Variants in LNPK observed in about 807,000 individuals in gnomAD.
LNPK encodes lunapark, ER junction formation factor, also known as endoplasmic reticulum junction formation protein lunapark.
A neutral mutation model predicts 55.2 loss-of-function variants in LNPK; 29 were observed. The ratio of observed to expected loss-of-function variants is 0.53; its 90% CI spans 0.39 to 0.72. The LOEUF (loss-of-function observed/expected upper bound fraction) is 0.72. Among genes scored for constraint, LNPK ranks in the 30% least tolerant of loss-of-function variants. The pLI is 0.00. For synonymous variants in LNPK, 162 were observed against 168.2 expected, an observed-to-expected ratio of 0.96 and a Z score of 0.29; for missense variants, 467 against 494.8, an observed-to-expected ratio of 0.94 and a Z score of 0.53.
chr2:175,956,743 T>A (rs1685713930), intron 8 of LNPK, among the ~76,000 whole-genome samples: 1 of 152,186 alleles, frequency 6.6e-6, no homozygotes, highest in African/African-American at 2.4e-5. Context: ...CATGTCTTTA[T>A]TTCCCTCATA....
chr2:175,967,277 A>C lies in LNPK; in HGVS notation c.358-2688T>G, dbSNP rs1289575638. Among the ~76,000 whole-genome samples, 4 of 152,352 alleles carry C rather than the reference A, an allele frequency of 2.6e-5. 1 individual carries two copies. The South Asian group carries it at 8.3e-4, about 32-fold the overall frequency. On this transcript the variant is annotated intron_variant, in intron 6 of 12. Coordinates refer to ENST00000272748, the MANE Select transcript of LNPK (RefSeq NM_030650.3). Reference sequence around the variant, plus strand: ...CTTTTTTATTTTAAAAGATAGAATAATAAATACATGATTCTATTAAGAGTC... The same window carrying C: ...CTTTTTTATTTTAAAAGATAGAATACTAAATACATGATTCTATTAAGAGTC...
intron 2 of LNPK, among the ~76,000 whole-genome samples, chr2:175,995,085 C>A (rs1421643328): frequency 6.6e-6 from 1 of 151,826 alleles, no homozygotes; most frequent in African/African-American, 2.4e-5. Context: ...CTACGCCCAG[C>A]TAATTTTTGT....
At chr2:176,001,323 C>G (rs563140430) in intron 1 of LNPK, among the ~76,000 whole-genome samples, 93 of 152,196 alleles carry the variant, frequency 6.1e-4, no homozygotes, top group Middle Eastern at 3.4e-3. Flanking sequence ...AAGGAGGAAA[C>G]AGTAGACACC....
At chr2:175,979,957 TAG>T in intron 4 of LNPK, 89 bp from the exon 5 acceptor site, 3 of 1,193,844 alleles carry the variant, frequency 2.5e-6, no homozygotes, top group Non-Finnish European at 3.5e-6. Context: ...TATTTCCAAT[TAG>T]AGTTAGGTAC....
intron 1 of LNPK, among the ~76,000 whole-genome samples, chr2:175,995,895 C>T (rs1687910434): frequency 1.5e-5 from 2 of 129,098 alleles, no homozygotes; most frequent in African/African-American, 5.6e-5. Context: ...CTCACTGCAA[C>T]TTCTGCCTCC....
Position 175,993,179 on chromosome 2 carries a change from T to C in LNPK, c.69+3A>G. 3.9e-6 allele frequency: 6 copies of C among 1,532,764 alleles called. No individual in the cohort carries two copies. Among genetic ancestry groups the C allele is most frequent in the South Asian group, 1.2e-5 (1 of 82,672 alleles). The allele number at this position is 1,532,764 out of a possible 1,614,324, so 94.9% of individuals were successfully genotyped here. ...TAAAATACCTCACAGCCAAAGAACA[T>C]ACCTTATCTATACTTTCTAGAACTT... On this transcript the variant is annotated splice_donor_region_variant and intron_variant, in intron 3 of 12. Transcript: ENST00000272748.
In LNPK at chr2:175,937,481, G is replaced by A. The variant is rs2105528642; in HGVS notation, c.917C>T (p.Pro306Leu). 6.2e-7 allele frequency: 1 copy of A among 1,613,158 alleles called. No individual in the cohort carries two copies. Among genetic ancestry groups the A allele is most frequent in the South Asian group, 1.1e-5 (1 of 91,006 alleles). Residue 306 changes from proline to leucine, a missense_variant, in exon 12 of 13, where the codon CCT becomes CTT. By Grantham distance (98) the Pro-to-Leu change is moderately conservative. Coordinates refer to ENST00000272748, the MANE Select transcript of LNPK (RefSeq NM_030650.3). ...AGCCTGAGGTCTGGTTTTTCTTGCA[G>A]GGTTCAAGAAAAAACAGTAGGCACA... ...FRCAYCFFLN[P>L]ARKTRPQAPR...
intron 5 of LNPK, 71 bp downstream of exon 5, chr2:175,979,739 A>G (rs1687082428): frequency 1.4e-5 from 18 of 1,261,138 alleles, no homozygotes; most frequent in Non-Finnish European, 1.8e-5. Context: ...ATATTTTACA[A>G]CCTGTCTTAC....
rs545121502 is a variant in LNPK, at chr2:175,988,976, C to T, written c.257+3255G>A. Among the ~76,000 whole-genome samples, 6 of 152,188 alleles carry T rather than the reference C, an allele frequency of 3.9e-5. No homozygotes were observed. In the East Asian group the frequency reaches 7.8e-4, roughly 20 times the overall value. ...ATTTTTAGTAGAGATGGGGTTTTACCGTGTTAGCCAGGATGGTCCCGATCT... is the reference window on the plus strand; with the variant it reads ...ATTTTTAGTAGAGATGGGGTTTTACTGTGTTAGCCAGGATGGTCCCGATCT... On this transcript the variant is annotated intron_variant, in intron 4 of 12. Transcript: ENST00000272748.
intron 12 of LNPK, chr2:175,935,711 A>T: frequency 1.1e-6 from 1 of 921,712 alleles, no homozygotes; most frequent in Non-Finnish European, 1.3e-6. Flanking sequence ...ACATTACCTT[A>T]TTGGGGTTGG....
At chr2:175,939,163 GAAAT>G (rs928467286) in intron 10 of LNPK, among the ~76,000 whole-genome samples, 3 of 152,004 alleles carry the variant, frequency 2.0e-5, no homozygotes, top group African/African-American at 7.2e-5. Flanking sequence ...AGCATTTTGA[GAAAT>G]AAATACATGC....
At chr2:175,966,465 T>A (rs1420034030) in intron 6 of LNPK, among the ~76,000 whole-genome samples, 2 of 152,244 alleles carry the variant, frequency 1.3e-5, no homozygotes, top group African/African-American at 2.4e-5. Context: ...AAGATTAAAC[T>A]GTGATCTTTA....
chr2:175,983,932 T>C (rs1574888120), intron 4 of LNPK, among the ~76,000 whole-genome samples: 1 of 146,450 alleles, frequency 6.8e-6, no homozygotes, highest in Non-Finnish European at 1.5e-5. Context: ...TGAAATTAAA[T>C]GTTAAAAAAA....
intron 5 of LNPK, among the ~76,000 whole-genome samples, chr2:175,976,699 C>T (rs1412985295): frequency 6.6e-6 from 1 of 152,198 alleles, no homozygotes; most frequent in African/African-American, 2.4e-5. Flanking sequence ...TCTTTTCCTG[C>T]CTTCAGACTC....
chr2:175,993,058 C>T (rs1687773600), intron 3 of LNPK, 124 bp downstream of exon 3: 1 of 585,978 alleles, frequency 1.7e-6, no homozygotes, highest in Non-Finnish European at 2.9e-6. Flanking sequence ...TTAAAGTTCT[C>T]AGACTCACTC....
Position 176,002,152 on chromosome 2 carries a change from C to A in LNPK, c.-63+8G>T. 2.3e-6 allele frequency: 1 copy of A among 442,922 alleles called. No individual in the cohort carries two copies. The highest frequency in any genetic ancestry group is 4.5e-6 in the Non-Finnish European group (1 of 221,668). The allele number at this position is 442,922 out of a possible 1,614,324, so 27.4% of individuals were successfully genotyped here. ...CCCTCCCAACTGCCCTCGCCTTGAGCGTTCTACCTGCAAGAAGCGGGCGCA... is the reference window on the plus strand; with the variant it reads ...CCCTCCCAACTGCCCTCGCCTTGAGAGTTCTACCTGCAAGAAGCGGGCGCA... On this transcript the variant is annotated splice_region_variant and intron_variant, in intron 1 of 12. Coordinates refer to ENST00000272748, the MANE Select transcript of LNPK (RefSeq NM_030650.3).
rs572042887 is a variant in LNPK at position 175,989,668 on chromosome 2, G to A, written c.257+2563C>T. On this transcript the variant is annotated intron_variant, in intron 4 of 12. Coordinates refer to ENST00000272748, the MANE Select transcript of LNPK (RefSeq NM_030650.3). ...CGTAACCCAAACCTTCCCTCACTAC[G>A]GTGTGTAGCCTTAATGACTCCTACA... Among the ~76,000 whole-genome samples, 5 of 152,012 alleles carry A rather than the reference G, an allele frequency of 3.3e-5. No homozygotes were observed. In the South Asian group the frequency reaches 6.2e-4, roughly 19 times the overall value.
At chr2:175,939,694 A>G (rs1447346464) in intron 9 of LNPK, 37 bp from the exon 10 acceptor site, 1 of 1,005,102 alleles carries the variant, frequency 9.9e-7, no homozygotes, top group Non-Finnish European at 1.5e-6. Context: ...ATTTATATAC[A>G]TGAAATACAC....
rs149360523 is a variant in LNPK, at chr2:175,940,516, G to A, written c.707-859C>T. 1.1e-3 allele frequency among the ~76,000 whole-genome samples: 165 copies of A among 152,232 alleles called. 1 individual carries two copies. Among genetic ancestry groups the A allele is most frequent in the African/African-American group, 3.6e-3 (148 of 41,554 alleles). On this transcript the variant is annotated intron_variant, in intron 9 of 12. Coordinates refer to ENST00000272748, the MANE Select transcript of LNPK (RefSeq NM_030650.3). Reference sequence around the variant, plus strand: ...TTGCCCATTTCCAATCAGAGTGGGAGAACCTCCTAACACACAGGCCATTAG... The same window carrying A: ...TTGCCCATTTCCAATCAGAGTGGGAAAACCTCCTAACACACAGGCCATTAG...
Sources: gnomAD v4.1 joint callset for allele counts (sites outside exome capture counted in the v4.1 genomes callset) on GRCh38, gnomAD v4.1.1 for gene constraint, MANE v1.5 for transcripts, NCBI Gene and HGNC (gene_info 2026-07-23, HGNC 2026-07-21) for gene names.